Variants in PIK3R1 observed in about 807,000 individuals in gnomAD.
PIK3R1 encodes phosphoinositide-3-kinase regulatory subunit 1.
PIK3R1 carries 29 observed loss-of-function variants against 98.0 expected under a neutral mutation model. The ratio of observed to expected loss-of-function variants is 0.30; its 90% CI spans 0.22 to 0.40. PIK3R1 has a LOEUF of 0.40. PIK3R1 is among the 10% of genes least tolerant of loss of function. The pLI is 1.00. For missense variants in PIK3R1, 596 were observed against 872.7 expected (o/e 0.68, Z 3.99); for synonymous variants, 282 against 311.8 (o/e 0.90, Z 1.01).
chr5:68,290,598 G>A, intron 7 of PIK3R1: 1 of 1,318,580 alleles, frequency 7.6e-7, no homozygotes, highest in South Asian at 2.1e-5. Flanking sequence ...GACTTGATTG[G>A]CTGGGGCGTG....
chr5:68,235,419 A>T (rs1744629359), intron 2 of PIK3R1, among the ~76,000 whole-genome samples: 1 of 151,294 alleles, frequency 6.6e-6, no homozygotes, highest in African/African-American at 2.4e-5. Context: ...TAAATAAATA[A>T]ATAAATAAAT....
In PIK3R1 at chr5:68,226,875, G is replaced by A. The variant is rs1744296159; in HGVS notation, c.200G>A (p.Gly67Glu). ...NGYNETTGER[G>E]DFPGTYVEYI... Reference sequence around the variant, plus strand: ...TATAATGAAACCACAGGGGAAAGGGGGGACTTTCCGGGAACTTACGTAGAA... The same window carrying A: ...TATAATGAAACCACAGGGGAAAGGGAGGACTTTCCGGGAACTTACGTAGAA... The change falls in exon 2 of 16, where the codon GGG becomes GAG. Residue 67 changes from glycine (G) to glutamate (E), a missense_variant. This residue lies in a region of PIK3R1 where 352 missense variants were observed against 393.3 expected (regional missense o/e 0.90). Transcript: ENST00000521381. The A allele has an allele frequency of 1.2e-6, 2 of 1,614,022 alleles. No homozygotes were observed. Among genetic ancestry groups the A allele is most frequent in the Non-Finnish European group, 8.5e-7 (1 of 1,179,982 alleles).
intron 2 of PIK3R1, among the ~76,000 whole-genome samples, chr5:68,234,369 T>A (rs1025370847): frequency 6.6e-6 from 1 of 152,176 alleles, no homozygotes; most frequent in Non-Finnish European, 1.5e-5. Flanking sequence ...GGGAATGTAG[T>A]GAGAGGATTT....
Position 68,244,349 on chromosome 5 carries a change from A to C in PIK3R1, c.334+17340A>C, listed in dbSNP as rs1297316377. 1.1e-4 allele frequency among the ~76,000 whole-genome samples: 17 copies of C among 152,158 alleles called. 1 individual carries two copies. Among genetic ancestry groups the C allele is most frequent in the Admixed American group, 1.1e-3 (17 of 15,280 alleles). The stretch of plus-strand genomic sequence containing the variant: ...AAGTCTCTTGACTAAATGGATCATA[A>C]TTAAAGACTTTGGGATTTATTTATG... On this transcript the variant is annotated intron_variant, in intron 2 of 15. Coordinates refer to ENST00000521381, the MANE Select transcript of PIK3R1 (RefSeq NM_181523.3).
intron 7 of PIK3R1, among the ~76,000 whole-genome samples, chr5:68,284,172 A>C (rs1174176061): frequency 6.6e-6 from 1 of 152,118 alleles, no homozygotes; most frequent in Non-Finnish European, 1.5e-5. Flanking sequence ...TGAACTGATA[A>C]TTTCTCTGCT....
At chr5:68,288,441 T>G (rs1335650761) in intron 7 of PIK3R1, 1 of 1,265,470 alleles carries the variant, frequency 7.9e-7, no homozygotes, top group Non-Finnish European at 9.9e-7. Context: ...TCCAGTTGGC[T>G]TCTCAATGAG....
intron 2 of PIK3R1, among the ~76,000 whole-genome samples, chr5:68,232,495 C>T (rs1744517529): frequency 6.6e-6 from 1 of 152,168 alleles, no homozygotes; most frequent in Admixed American, 6.5e-5. Context: ...CTCTCTTACC[C>T]AGAGGGGAGA....
At chr5:68,217,007 C>T (rs1355413349) in intron 1 of PIK3R1, among the ~76,000 whole-genome samples, 3 of 152,180 alleles carry the variant, frequency 2.0e-5, no homozygotes, top group African/African-American at 7.2e-5. Context: ...TCACTTCCAC[C>T]GTTAATCCCT....
intron 4 of PIK3R1, among the ~76,000 whole-genome samples, chr5:68,274,454 T>G (rs1377395716): frequency 2.0e-5 from 3 of 152,232 alleles, no homozygotes; most frequent in African/African-American, 7.2e-5. Flanking sequence ...TTCCCTTCCA[T>G]TTTCCTTTTC....
intron 3 of PIK3R1, 32 bp from the exon 4 acceptor site, chr5:68,273,907 A>G: frequency 6.4e-7 from 1 of 1,565,824 alleles, no homozygotes; most frequent in Non-Finnish European, 8.8e-7. Context: ...TGTGTTTTGC[A>G]TACATGGTCT....
chr5:68,293,485 TAATAAAAACTG>T lies in PIK3R1; in HGVS notation c.1299+6_1299+16del. On this transcript the variant is annotated splice_donor_5th_base_variant and intron_variant, in intron 10 of 15. Transcript: ENST00000521381. ...TATCCAGTATCCAAATACCAACAGG[TAATAAAAACTG>T]AATGAATTATCCAGTTACGATGTTT... 1 of 1,593,778 alleles carries T rather than the reference TAATAAAAACTG, an allele frequency of 6.3e-7. No individual in the cohort carries two copies.
intron 5 of PIK3R1, 35 bp downstream of exon 5, chr5:68,279,768 A>G: frequency 6.2e-7 from 1 of 1,604,846 alleles, no homozygotes; most frequent in Non-Finnish European, 8.5e-7. Flanking sequence ...CTCATTGAAC[A>G]TACATGGAGA....
intron 2 of PIK3R1, among the ~76,000 whole-genome samples, chr5:68,248,298 A>G (rs1449156076): frequency 6.6e-6 from 1 of 152,084 alleles, no homozygotes; most frequent in Non-Finnish European, 1.5e-5. Flanking sequence ...GTTCTTTTTA[A>G]TGGTGTTTTC....
At chr5:68,291,036 T>C in intron 7 of PIK3R1, 1 of 450,440 alleles carries the variant, frequency 2.2e-6, no homozygotes, top group Non-Finnish European at 3.9e-6. Flanking sequence ...GTGTGGTAAA[T>C]GCTTATTCTT....
At chr5:68,222,714 A>G (rs1423352988) in intron 1 of PIK3R1, among the ~76,000 whole-genome samples, 3 of 152,166 alleles carry the variant, frequency 2.0e-5, no homozygotes, top group Non-Finnish European at 2.9e-5. Context: ...CACATACACT[A>G]TCAGTAAAGC....
Position 68,292,324 on chromosome 5 carries a change from T to C in PIK3R1, c.982T>C (p.Leu328=), listed in dbSNP as rs1334294501. The C allele has an allele frequency of 6.2e-7, 1 of 1,613,126 alleles. No homozygotes were observed. Among genetic ancestry groups the C allele is most frequent in the South Asian group, 1.1e-5 (1 of 91,060 alleles). The change falls in exon 8 of 16, where the codon TTA becomes CTA. Residue 328 remains leucine, a synonymous_variant. Coordinates refer to ENST00000521381, the MANE Select transcript of PIK3R1 (RefSeq NM_181523.3). ...CAACGGTATGAATAACAATATGTCC[T>C]TACAAGATGCTGAATGGTACTGGGG... ...ANNGMNNNMS[L]QDAEWYWGDI...
chr5:68,220,596 G>A, intron 1 of PIK3R1, among the ~76,000 whole-genome samples: 1 of 152,140 alleles, frequency 6.6e-6, no homozygotes, highest in East Asian at 1.9e-4. Context: ...GCTCCTTGTT[G>A]TGTTACCTGG....
Position 68,297,863 on chromosome 5 carries a change from C to A in PIK3R1, c.*262C>A, listed in dbSNP as rs1251868011. The A allele has an allele frequency of 1.6e-5, 5 of 311,842 alleles. No individual in the cohort carries two copies. The highest frequency in any genetic ancestry group is 2.9e-5 in the Non-Finnish European group (5 of 169,712). 19.3% of individuals were successfully genotyped at this position (311,842 alleles called of 1,614,324 possible). A position where few individuals can be genotyped will look rare whatever the true frequency, so the allele number is the denominator to read the frequency against. ...CTTTGGTTTAATTTAAAGCCACAAC[C>A]ACATACAACACAAAGAGAAAAAGAA... On this transcript the variant is annotated 3_prime_UTR_variant, in exon 16 of 16. Coordinates refer to ENST00000521381, the MANE Select transcript of PIK3R1 (RefSeq NM_181523.3).
chr5:68,263,047 A>T (rs1296623940), intron 2 of PIK3R1, among the ~76,000 whole-genome samples: 1 of 128,264 alleles, frequency 7.8e-6, no homozygotes, highest in Non-Finnish European at 1.7e-5. Flanking sequence ...ATACATATAT[A>T]CATGTAGATA....
Sources: allele counts gnomAD v4.1 joint callset (sites outside exome capture counted in the v4.1 genomes callset), GRCh38; gene constraint gnomAD v4.1.1; regional missense constraint gnomAD v4.1.1; transcripts MANE v1.5; gene names NCBI Gene and HGNC (gene_info 2026-07-23, HGNC 2026-07-21).